Variants in DHRSX observed in about 807,000 individuals in gnomAD.
DHRSX encodes polyprenol dehydrogenase.
Under a neutral mutation model 34.0 loss-of-function variants are expected in DHRSX, and 31 were observed. That is an observed-to-expected ratio of 0.91 (90% CI 0.69 to 1.23). DHRSX has a LOEUF of 1.23. DHRSX is among the 50% of genes most tolerant of loss of function. The probability of loss-of-function intolerance (pLI) is 0.00; values close to 1 mark genes in which losing one functional copy is unlikely to be tolerated. For missense variants in DHRSX, 414 were observed against 428.1 expected, an observed-to-expected ratio of 0.97 and a Z score of 0.29; for synonymous variants, 201 against 183.8, an observed-to-expected ratio of 1.09 and a Z score of -0.76.
At chrX:2,406,562 T>A (rs2043557864) in intron 3 of DHRSX, among the ~76,000 whole-genome samples, 12 of 151,802 alleles carry the variant, frequency 7.9e-5, no homozygotes, top group Admixed American at 7.9e-4. Context: ...TGCCTCAGCC[T>A]CCTGAGTAGC....
At chrX:2,224,469 C>A (rs1442724975) in intron 6 of DHRSX, among the ~76,000 whole-genome samples, 1 of 152,144 alleles carries the variant, frequency 6.6e-6, no homozygotes, top group East Asian at 1.9e-4. Context: ...CAAGATACCA[C>A]CTGTGCTATG....
intron 4 of DHRSX, among the ~76,000 whole-genome samples, chrX:2,270,628 C>A (rs866420090): frequency 8.5e-5 from 13 of 152,232 alleles, no homozygotes; most frequent in Non-Finnish European, 1.8e-4. Context: ...GAGGAAAAAC[C>A]AACGTCTTAT....
intron 6 of DHRSX, among the ~76,000 whole-genome samples, chrX:2,231,834 CTCTT>C (rs2015893946): frequency 7.0e-6 from 1 of 143,818 alleles, no homozygotes; most frequent in Non-Finnish European, 1.5e-5. Context: ...TTTCTTTCTC[CTCTT>C]TCTCATTTTC....
intron 3 of DHRSX, among the ~76,000 whole-genome samples, chrX:2,385,252 A>G (rs1215990410): frequency 6.6e-6 from 1 of 152,134 alleles, no homozygotes; most frequent in African/African-American, 2.4e-5. Flanking sequence ...CACAAATGTG[A>G]CACTGGAAAT....
intron 2 of DHRSX, among the ~76,000 whole-genome samples, chrX:2,413,193 C>CA (rs1373968120): frequency 2.7e-5 from 4 of 150,932 alleles, no homozygotes; most frequent in Admixed American, 1.3e-4. Context: ...GACTCCATCT[C>CA]AAAAAAAAGA....
At chrX:2,232,938 C>T (rs1255883035) in intron 6 of DHRSX, among the ~76,000 whole-genome samples, 1 of 152,144 alleles carries the variant, frequency 6.6e-6, no homozygotes, top group Non-Finnish European at 1.5e-5. Context: ...GGGAACCTCA[C>T]TCATTCTAGC....
intron 2 of DHRSX, among the ~76,000 whole-genome samples, chrX:2,410,027 G>A (rs1488351555): frequency 6.6e-6 from 1 of 152,090 alleles, no homozygotes; most frequent in Non-Finnish European, 1.5e-5. Context: ...CACCACACCC[G>A]GCCTGGTTTC....
chrX:2,337,000 T>C (rs1165417387), intron 3 of DHRSX, among the ~76,000 whole-genome samples: 1 of 152,134 alleles, frequency 6.6e-6, no homozygotes, highest in Non-Finnish European at 1.5e-5. Flanking sequence ...GAAATGGGGT[T>C]TCGCCATGTT....
At chrX:2,455,996 T>G (rs1336081757) in intron 1 of DHRSX, among the ~76,000 whole-genome samples, 3 of 151,870 alleles carry the variant, frequency 2.0e-5, no homozygotes, top group Admixed American at 6.6e-5. Flanking sequence ...GCTCCGTCAC[T>G]GATCAAAGAA....
intron 3 of DHRSX, among the ~76,000 whole-genome samples, chrX:2,295,951 T>C (rs1053627130): frequency 3.9e-5 from 6 of 152,156 alleles, no homozygotes; most frequent in Non-Finnish European, 8.8e-5. Context: ...TTTCCTTTTC[T>C]GGGATGGACT....
intron 4 of DHRSX, among the ~76,000 whole-genome samples, chrX:2,270,355 C>T (rs1251394400): frequency 6.6e-6 from 1 of 152,142 alleles, no homozygotes; most frequent in African/African-American, 2.4e-5. Context: ...TCACCACTGC[C>T]CCATTCTAGG....
At chrX:2,358,257 T>G (rs757700175) in intron 3 of DHRSX, among the ~76,000 whole-genome samples, 1 of 152,262 alleles carries the variant, frequency 6.6e-6, no homozygotes, top group African/African-American at 2.4e-5. Flanking sequence ...ACTATGCATC[T>G]GATAAAGGTT....
At chrX:2,256,089 G>A (rs1199713944) in intron 5 of DHRSX, among the ~76,000 whole-genome samples, 17 of 147,306 alleles carry the variant, frequency 1.2e-4, no homozygotes, top group South Asian at 4.4e-4. Context: ...CCACCTCCCC[G>A]GTTCAAGCAA....
chrX:2,276,051 C>T, intron 4 of DHRSX, among the ~76,000 whole-genome samples: 2 of 152,136 alleles, frequency 1.3e-5, no homozygotes, highest in Middle Eastern at 6.8e-3. Flanking sequence ...ACCGTGTTGG[C>T]CAGGATGGTC....
intron 3 of DHRSX, among the ~76,000 whole-genome samples, chrX:2,300,017 GA>G (rs1466378862): frequency 6.6e-6 from 1 of 151,484 alleles, no homozygotes; most frequent in African/African-American, 2.4e-5. Context: ...GGATCAAGAA[GA>G]AAAAAAAATT....
rs1213719977 is a variant in DHRSX at position 2,354,845 on chromosome X, G to A, written c.286+53900C>T. Among the ~76,000 whole-genome samples, 9 of 152,224 alleles carry A rather than the reference G, an allele frequency of 5.9e-5. No homozygotes were observed. In the South Asian group the frequency reaches 1.2e-3, roughly 21 times the overall value. On this transcript the variant is annotated intron_variant, in intron 3 of 6. Transcript: ENST00000334651. Reference sequence around the variant, plus strand: ...ACAGACACGTGTGTCCATGTCTGAGGTCCACGGGGCAAGGAGGAAAAAAGA... The same window carrying A: ...ACAGACACGTGTGTCCATGTCTGAGATCCACGGGGCAAGGAGGAAAAAAGA...
At chrX:2,235,879 C>T (rs1602771727) in intron 6 of DHRSX, among the ~76,000 whole-genome samples, 1 of 149,732 alleles carries the variant, frequency 6.7e-6, no homozygotes, top group Non-Finnish European at 1.5e-5. Context: ...TTTGGGAGAC[C>T]GAGGCGGGCG....
chrX:2,342,329 A>G (rs1370812894), intron 3 of DHRSX, among the ~76,000 whole-genome samples: 1 of 152,094 alleles, frequency 6.6e-6, no homozygotes, highest in Non-Finnish European at 1.5e-5. Context: ...TCATTGAGAC[A>G]GAGCACACAC....
chrX:2,226,259 A>G (rs887410455), intron 6 of DHRSX, among the ~76,000 whole-genome samples: 1 of 152,102 alleles, frequency 6.6e-6, no homozygotes, highest in Non-Finnish European at 1.5e-5. Flanking sequence ...CTTACCTGCT[A>G]CCTCAAGAGT....
Sources: gnomAD v4.1 joint callset for allele counts (sites outside exome capture counted in the v4.1 genomes callset) on GRCh38, gnomAD v4.1.1 for gene constraint, MANE v1.5 for transcripts, NCBI Gene and HGNC (gene_info 2026-07-23, HGNC 2026-07-21) for gene names.